The following TANC1 variants were observed in gnomAD, a reference collection of about 807,000 sequenced individuals.
TANC1 encodes the protein tetratricopeptide repeat, ankyrin repeat and coiled-coil containing 1.
In TANC1, 77 loss-of-function variants were observed where a neutral mutation model predicts 149.7. The observed-to-expected ratio is 0.51, with a 90% CI of 0.43 to 0.62. The LOEUF (loss-of-function observed/expected upper bound fraction) is 0.62, where lower values mean the gene tolerates loss of function less well. TANC1 is among the 20% of genes least tolerant of loss of function. TANC1 has a pLI of 0.00. For synonymous variants in TANC1, 854 were observed against 925.0 expected (o/e 0.92, Z 1.39); for missense variants, 1,985 against 2,321.8 (o/e 0.85, Z 2.98).
intron 5 of TANC1, among the ~76,000 whole-genome samples, chr2:159,139,737 CGA>C (rs1301131733): frequency 1.4e-5 from 2 of 140,776 alleles, no homozygotes; most frequent in Admixed American, 1.4e-4. Context: ...CAGTCAGTGA[CGA>C]AACTTTTTTC....
chr2:159,162,166 C>G (rs1361749474), intron 7 of TANC1, among the ~76,000 whole-genome samples: 1 of 152,222 alleles, frequency 6.6e-6, no homozygotes, highest in Non-Finnish European at 1.5e-5. Context: ...CCTTCAGACC[C>G]TTTGATCCTA....
At chr2:159,105,423 G>A (rs140284888) in intron 4 of TANC1, among the ~76,000 whole-genome samples, 2,008 of 152,286 alleles carry the variant, frequency 0.013, 58 homozygotes, top group African/African-American at 0.045. Context: ...GTACAGTTCA[G>A]TGGTAATTAC....
At chr2:159,031,096 C>T (rs954602694) in intron 2 of TANC1, among the ~76,000 whole-genome samples, 1 of 152,150 alleles carries the variant, frequency 6.6e-6, no homozygotes, top group Non-Finnish European at 1.5e-5. Flanking sequence ...CAGAGAGGGT[C>T]TCAGGCTCCT....
At chr2:159,217,474 C>T (rs1458204023) in intron 19 of TANC1, 23 bp from the exon 20 acceptor site, 2 of 1,613,844 alleles carry the variant, frequency 1.2e-6, no homozygotes, top group Admixed American at 1.7e-5. Flanking sequence ...TAACAGATTC[C>T]CCTCCATGTG....
chr2:159,167,224 T>G (rs2054692171), intron 8 of TANC1, among the ~76,000 whole-genome samples: 1 of 152,196 alleles, frequency 6.6e-6, no homozygotes, highest in African/African-American at 2.4e-5. Context: ...GGCTCTGAAA[T>G]GAATTACGGG....
chr2:159,125,144 A>G (rs1463613643), intron 4 of TANC1, among the ~76,000 whole-genome samples: 2 of 148,812 alleles, frequency 1.3e-5, no homozygotes, highest in Non-Finnish European at 1.5e-5. Context: ...GCATGAATGA[A>G]AATAAGGCTT....
chr2:159,032,940 T>C (rs2039898251), intron 2 of TANC1, among the ~76,000 whole-genome samples: 1 of 152,174 alleles, frequency 6.6e-6, no homozygotes, highest in Non-Finnish European at 1.5e-5. Flanking sequence ...TTCCTCCTAC[T>C]CTTGCCTGAA....
At chr2:159,039,188 T>C (rs1338458713) in intron 2 of TANC1, among the ~76,000 whole-genome samples, 1 of 152,158 alleles carries the variant, frequency 6.6e-6, no homozygotes, top group East Asian at 1.9e-4. Flanking sequence ...TGTGTGATCA[T>C]TGGTGATATC....
chr2:159,000,670 G>C (rs899553758), intron 1 of TANC1, among the ~76,000 whole-genome samples: 1 of 152,058 alleles, frequency 6.6e-6, no homozygotes, highest in African/African-American at 2.4e-5. Context: ...TGGGAATGAA[G>C]AAGGGGACAT....
intron 3 of TANC1, among the ~76,000 whole-genome samples, chr2:159,087,847 G>C (rs530822507): frequency 6.7e-6 from 1 of 149,042 alleles, no homozygotes; most frequent in East Asian, 2.0e-4. Context: ...ATGAAGTCAC[G>C]CTAGGTTAGG....
At position 159,088,131 on chromosome 2, in the gene TANC1, T is replaced by C. The variant is rs535221782; in HGVS notation, c.62-9506T>C. ...ACTTCTGTTGTTTAGGCCACCCTAT[T>C]TATGGAACTTTGTTACAGCAGCCCC... On this transcript the variant is annotated intron_variant, in intron 3 of 26. Transcript: ENST00000263635. 5.3e-5 allele frequency among the ~76,000 whole-genome samples: 8 copies of C among 151,906 alleles called. No homozygotes were observed. In the South Asian group the frequency reaches 1.7e-3, roughly 32 times the overall value.
intron 19 of TANC1, among the ~76,000 whole-genome samples, chr2:159,212,685 G>C (rs1269677894): frequency 1.3e-5 from 2 of 152,118 alleles, no homozygotes; most frequent in African/African-American, 4.8e-5. Context: ...ACTTTGGAAG[G>C]CCAAGGCAGG....
chr2:159,158,591 A>C (rs1234569841), intron 7 of TANC1, among the ~76,000 whole-genome samples: 1 of 152,250 alleles, frequency 6.6e-6, no homozygotes, highest in East Asian at 1.9e-4. Context: ...TGAAATGCTC[A>C]AAACAGACAT....
intron 4 of TANC1, among the ~76,000 whole-genome samples, chr2:159,105,487 C>T (rs1379149836): frequency 6.6e-6 from 1 of 152,112 alleles, no homozygotes; most frequent in African/African-American, 2.4e-5. Flanking sequence ...ATACTTTTGT[C>T]CAGTGATATT....
intron 14 of TANC1, among the ~76,000 whole-genome samples, chr2:159,185,572 T>C (rs17576563): frequency 0.12 from 17,910 of 152,246 alleles, 1,574 homozygotes; most frequent in East Asian, 0.47. Flanking sequence ...GCTCTGTGTC[T>C]ATTCATGCAT....
intron 3 of TANC1, among the ~76,000 whole-genome samples, chr2:159,086,151 T>G (rs2044825263): frequency 6.6e-6 from 1 of 152,042 alleles, no homozygotes; most frequent in South Asian, 2.1e-4. Context: ...CATGTCACCT[T>G]CAAGAAAGTG....
In TANC1 at chr2:159,103,939, G is replaced by A. The variant is rs2046950328; in HGVS notation, c.259+6105G>A. ...CATAGAAGGTGTGGGCAGGAGGAGG[G>A]CATGGGCTTAAAGCCTCACATGGAT... On this transcript the variant is annotated intron_variant, in intron 4 of 26. Coordinates refer to ENST00000263635, the MANE Select transcript of TANC1 (RefSeq NM_033394.3). 2.1e-5 allele frequency among the ~76,000 whole-genome samples: 2 copies of A among 96,130 alleles called. 1 individual carries two copies. The allele number at this position is 96,130 out of a possible 152,430, so 63.1% of individuals were successfully genotyped here.
chr2:158,976,993 T>A (rs73001003), intron 1 of TANC1, among the ~76,000 whole-genome samples: 17,577 of 152,208 alleles, frequency 0.12, 1,077 homozygotes, highest in African/African-American at 0.15. Context: ...TGTTGTATAA[T>A]GTATATACTA....
intron 16 of TANC1, among the ~76,000 whole-genome samples, chr2:159,188,682 G>A (rs1031973219): frequency 1.3e-5 from 2 of 152,236 alleles, no homozygotes; most frequent in African/African-American, 4.8e-5. Context: ...TAAAACAATT[G>A]TGCTTGTGTG....
Sources: gnomAD v4.1 joint callset for allele counts (sites outside exome capture counted in the v4.1 genomes callset) on GRCh38, gnomAD v4.1.1 for gene constraint, MANE v1.5 for transcripts, NCBI Gene and HGNC (gene_info 2026-07-23, HGNC 2026-07-21) for gene names.